The following GALNTL5 variants were observed in gnomAD, a reference collection of about 807,000 sequenced individuals.
The protein encoded by GALNTL5 is inactive polypeptide N-acetylgalactosaminyltransferase-like protein 5.
GALNTL5 carries 44 observed loss-of-function variants against 51.0 expected under a neutral mutation model. That is an observed-to-expected ratio of 0.86 (90% CI 0.68 to 1.11). The LOEUF is 1.11. GALNTL5 is among the 50% of genes least tolerant of loss of function. The pLI is 0.00. For missense variants in GALNTL5, 528 were observed against 531.8 expected, an observed-to-expected ratio of 0.99 and a Z score of 0.07; for synonymous variants, 192 against 182.8, an observed-to-expected ratio of 1.05 and a Z score of -0.41.
intron 7 of GALNTL5, among the ~76,000 whole-genome samples, chr7:152,012,966 T>A (rs2081758690): frequency 6.6e-6 from 1 of 152,026 alleles, no homozygotes; most frequent in South Asian, 2.1e-4. Flanking sequence ...ACCAGTGGAC[T>A]GGATAAAGAA....
At position 151,971,051 on chromosome 7, in the gene GALNTL5, T is replaced by A. The variant is rs2081128786; in HGVS notation, c.354T>A (p.Asp118Glu). 5.0e-6 allele frequency: 8 copies of A among 1,609,942 alleles called. No homozygotes were observed. Among genetic ancestry groups the A allele is most frequent in the Non-Finnish European group, 6.8e-6 (8 of 1,176,790 alleles). The change falls in exon 3 of 9, where the codon GAT becomes GAA. Residue 118 changes from aspartate to glutamate, a missense_variant. Physicochemically the swap from Asp to Glu is conservative, Grantham distance 45. Coordinates refer to ENST00000392800, the MANE Select transcript of GALNTL5 (RefSeq NM_145292.4). Reference protein sequence around the residue: ...RSLGIEREVPDTRSKMCLQKH... With the variant: ...RSLGIEREVPETRSKMCLQKH... ...TGGGCATCGAAAGAGAAGTGCCAGA[T>A]ACCAGGAGTAAAATGTATGTTGTCT...
At chr7:152,012,842 CTGTAA>C (rs2081756009) in intron 7 of GALNTL5, among the ~76,000 whole-genome samples, 1 of 152,098 alleles carries the variant, frequency 6.6e-6, no homozygotes, top group Non-Finnish European at 1.5e-5. Flanking sequence ...CAGTGTGTAC[CTGTAA>C]TCCCAGCTAC....
intron 3 of GALNTL5, among the ~76,000 whole-genome samples, chr7:151,975,838 G>T (rs907225842): frequency 1.3e-5 from 2 of 151,920 alleles, no homozygotes; most frequent in East Asian, 3.9e-4. Flanking sequence ...CCATTGGTTG[G>T]TTAGGAACAT....
intron 5 of GALNTL5, 58 bp from the exon 6 acceptor site, chr7:152,002,656 G>C: frequency 1.3e-6 from 2 of 1,576,794 alleles, no homozygotes; most frequent in Non-Finnish European, 1.7e-6. Flanking sequence ...ACTTTGATTT[G>C]GATTGCCGTA....
At chr7:151,963,959 GA>G (rs2081025674) in intron 1 of GALNTL5, among the ~76,000 whole-genome samples, 1 of 152,134 alleles carries the variant, frequency 6.6e-6, no homozygotes, top group African/African-American at 2.4e-5. Context: ...GCAGCTGTAG[GA>G]GTCAGCTCCG....
chr7:152,010,096 G>T (rs1475642428), intron 7 of GALNTL5, among the ~76,000 whole-genome samples: 1 of 152,054 alleles, frequency 6.6e-6, no homozygotes, highest in Admixed American at 6.5e-5. Context: ...AAAATACAGT[G>T]GCACACAATA....
At chr7:151,957,863 C>T (rs542644868) in intron 1 of GALNTL5, 2 of 152,142 alleles carry the variant, frequency 1.3e-5, no homozygotes, top group Non-Finnish European at 2.9e-5. Context: ...AGGCCAATCA[C>T]ACACCTCTTA....
chr7:151,974,847 A>C (rs958898258), intron 3 of GALNTL5, among the ~76,000 whole-genome samples: 2 of 152,186 alleles, frequency 1.3e-5, no homozygotes, highest in Non-Finnish European at 2.9e-5. Flanking sequence ...AAGTTTAGAG[A>C]GATTTGTCCA....
chr7:151,998,195 T>C (rs2081524751), intron 5 of GALNTL5, among the ~76,000 whole-genome samples: 1 of 151,622 alleles, frequency 6.6e-6, no homozygotes, highest in African/African-American at 2.4e-5. Context: ...GGCAACAGAG[T>C]GAGACTGTCT....
intron 3 of GALNTL5, among the ~76,000 whole-genome samples, chr7:151,980,808 GGA>G (rs2081271866): frequency 2.3e-5 from 3 of 128,676 alleles, no homozygotes; most frequent in African/African-American, 6.4e-5. Context: ...TGCAGTGGCG[GGA>G]TCTCGGCTCA....
At chr7:151,980,789 A>T (rs1356722841) in intron 3 of GALNTL5, among the ~76,000 whole-genome samples, 1 of 106,610 alleles carries the variant, frequency 9.4e-6, no homozygotes, top group Non-Finnish European at 1.7e-5. Context: ...TCTGTCGCCC[A>T]GGCTGGAGTG....
chr7:151,967,065 A>G (rs1303339840), intron 1 of GALNTL5, 143 bp from the exon 2 acceptor site: 1 of 556,278 alleles, frequency 1.8e-6, no homozygotes, highest in Non-Finnish European at 3.2e-6. Flanking sequence ...GTGCTAATAG[A>G]AATAAGGACA....
intron 3 of GALNTL5, among the ~76,000 whole-genome samples, chr7:151,981,649 T>C (rs1473064433): frequency 1.0e-4 from 14 of 136,744 alleles, no homozygotes; most frequent in African/African-American, 2.4e-4. Context: ...TCTCTCTCTC[T>C]CTCCCTCCCT....
At chr7:151,966,035 T>A (rs892777409) in intron 1 of GALNTL5, among the ~76,000 whole-genome samples, 1 of 152,170 alleles carries the variant, frequency 6.6e-6, no homozygotes, top group African/African-American at 2.4e-5. Flanking sequence ...TTTTTTCCCA[T>A]GCATTTGCTA....
chr7:152,011,884 C>T (rs7804710), intron 7 of GALNTL5, among the ~76,000 whole-genome samples: 3,667 of 152,224 alleles, frequency 0.024, 140 homozygotes, highest in African/African-American at 0.084. Flanking sequence ...CATCATGATG[C>T]TATGTAATAA....
At chr7:151,980,762 T>C (rs2081269570) in intron 3 of GALNTL5, among the ~76,000 whole-genome samples, 1 of 91,364 alleles carries the variant, frequency 1.1e-5, no homozygotes, top group Non-Finnish European at 2.4e-5. Flanking sequence ...TTTTTTTTTT[T>C]TGAGATGGAG....
At position 152,012,677 on chromosome 7, in the gene GALNTL5, C is replaced by T. The variant is rs140077690; in HGVS notation, c.1027-1967C>T. On this transcript the variant is annotated intron_variant, in intron 7 of 8. Coordinates refer to ENST00000392800, the MANE Select transcript of GALNTL5 (RefSeq NM_145292.4). Reference sequence around the variant, plus strand: ...AATCAACCCAGATGCCCATCAACAGCGGACTGGGGCCAGGCATGGTGATTC... The same window carrying T: ...AATCAACCCAGATGCCCATCAACAGTGGACTGGGGCCAGGCATGGTGATTC... 6.2e-4 allele frequency among the ~76,000 whole-genome samples: 95 copies of T among 152,254 alleles called. No individual in the cohort carries two copies. The East Asian group carries it at 0.016, about 25-fold the overall frequency.
At chr7:152,016,805 C>T (rs1274255925) in intron 8 of GALNTL5, among the ~76,000 whole-genome samples, 2 of 151,988 alleles carry the variant, frequency 1.3e-5, no homozygotes, top group Admixed American at 1.3e-4. Flanking sequence ...GAGGCCAAGG[C>T]GGATGGATCA....
At chr7:152,008,281 A>G (rs932503359) in intron 7 of GALNTL5, among the ~76,000 whole-genome samples, 2 of 136,894 alleles carry the variant, frequency 1.5e-5, no homozygotes, top group East Asian at 2.2e-4. Context: ...TGGTCTCGCT[A>G]TGTTGCCCAG....
Sources: gnomAD v4.1 joint callset for allele counts (sites outside exome capture counted in the v4.1 genomes callset) on GRCh38, gnomAD v4.1.1 for gene constraint, MANE v1.5 for transcripts, NCBI Gene and HGNC (gene_info 2026-07-23, HGNC 2026-07-21) for gene names.